The following SCARA5 variants were observed in gnomAD, a reference collection of about 807,000 sequenced individuals.
SCARA5 encodes scavenger receptor class A, member 5 (putative).
In SCARA5, 45 loss-of-function variants were observed where a neutral mutation model predicts 46.3. That is an observed-to-expected ratio of 0.97 (90% CI 0.76 to 1.24). The LOEUF is 1.24. Ranked by LOEUF, SCARA5 falls within the 50% of genes most tolerant of loss-of-function variation. SCARA5 has a pLI of 0.00. For missense variants in SCARA5, 680 were observed against 689.0 expected (o/e 0.99, Z 0.15); for synonymous variants, 333 against 306.5 (o/e 1.09, Z -0.90).
chr8:27,961,694 A>G (rs1808296975), intron 3 of SCARA5, among the ~76,000 whole-genome samples: 2 of 152,150 alleles, frequency 1.3e-5, no homozygotes, highest in Admixed American at 1.3e-4. Context: ...ACCAGCGTGA[A>G]GTCTACACGG....
At chr8:27,916,493 A>C (rs1807463704) in intron 4 of SCARA5, among the ~76,000 whole-genome samples, 1 of 152,100 alleles carries the variant, frequency 6.6e-6, no homozygotes, top group African/African-American at 2.4e-5. Flanking sequence ...ATATTTGTGT[A>C]TGTATGCAGG....
intron 3 of SCARA5, among the ~76,000 whole-genome samples, chr8:27,947,569 C>T (rs1445492930): frequency 6.6e-6 from 1 of 152,124 alleles, no homozygotes; most frequent in African/African-American, 2.4e-5. Context: ...AATTCTGACC[C>T]CTGCTTCAAC....
At chr8:27,931,947 C>T (rs1807780623) in intron 3 of SCARA5, among the ~76,000 whole-genome samples, 1 of 151,170 alleles carries the variant, frequency 6.6e-6, no homozygotes, top group Non-Finnish European at 1.5e-5. Context: ...AGCCACCGCA[C>T]CCGGCCAAAG....
At chr8:27,878,515 C>T (rs1431972282) in intron 8 of SCARA5, among the ~76,000 whole-genome samples, 1 of 152,190 alleles carries the variant, frequency 6.6e-6, no homozygotes, top group Admixed American at 6.5e-5. Context: ...CTCAGAGTCT[C>T]TTGTGCTATC....
At chr8:27,945,875 G>C (rs984609943) in intron 3 of SCARA5, among the ~76,000 whole-genome samples, 1 of 152,182 alleles carries the variant, frequency 6.6e-6, no homozygotes, top group African/African-American at 2.4e-5. Context: ...TTTAAAAAAG[G>C]AAATCTCTAA....
chr8:27,943,402 G>A (rs1397856857), intron 3 of SCARA5, among the ~76,000 whole-genome samples: 2 of 152,192 alleles, frequency 1.3e-5, no homozygotes, highest in Non-Finnish European at 2.9e-5. Context: ...CTGCACTCCA[G>A]CCTGGGTGAC....
chr8:27,953,049 C>T (rs1808153289), intron 3 of SCARA5, among the ~76,000 whole-genome samples: 1 of 152,194 alleles, frequency 6.6e-6, no homozygotes, highest in Non-Finnish European at 1.5e-5. Flanking sequence ...AGAGGCCTGC[C>T]CTGCATCCTT....
At chr8:27,912,792 T>A (rs1272944925) in intron 4 of SCARA5, among the ~76,000 whole-genome samples, 1 of 151,990 alleles carries the variant, frequency 6.6e-6, no homozygotes, top group Non-Finnish European at 1.5e-5. Context: ...TTCCCAGGAG[T>A]CACTCTCGCC....
intron 3 of SCARA5, among the ~76,000 whole-genome samples, chr8:27,959,973 G>A (rs551515742): frequency 1.2e-4 from 19 of 152,132 alleles, no homozygotes; most frequent in Non-Finnish European, 2.2e-4. Flanking sequence ...GTACCTCAAG[G>A]ACCTCTCCAA....
At chr8:27,911,344 T>A (rs775756701) in intron 4 of SCARA5, among the ~76,000 whole-genome samples, 29 of 152,190 alleles carry the variant, frequency 1.9e-4, no homozygotes, top group South Asian at 6.2e-4. Context: ...TCCCTATACC[T>A]GCTGTGAAGA....
chr8:27,881,349 A>T (rs1430871112), intron 7 of SCARA5, among the ~76,000 whole-genome samples: 1 of 152,242 alleles, frequency 6.6e-6, no homozygotes, highest in East Asian at 1.9e-4. Flanking sequence ...ATACATATAC[A>T]CCATGGAATA....
chr8:27,879,269 G>GGA (rs1168071416), intron 8 of SCARA5, among the ~76,000 whole-genome samples: 1 of 152,118 alleles, frequency 6.6e-6, no homozygotes, highest in African/African-American at 2.4e-5. Flanking sequence ...AGCTAGCCAG[G>GGA]GAGAGAGAGA....
rs114464518 is a variant in SCARA5, at chr8:27,904,151, G to A, written c.1153+627C>T. On this transcript the variant is annotated intron_variant, in intron 7 of 8. Transcript: ENST00000354914. ...CCCATTACTAACAGGGTGGTCTGCCGGATCGCAAGCTCTCCAGCGTCACTC... is the reference window on the plus strand; with the variant it reads ...CCCATTACTAACAGGGTGGTCTGCCAGATCGCAAGCTCTCCAGCGTCACTC... 6.1e-3 allele frequency among the ~76,000 whole-genome samples: 932 copies of A among 152,226 alleles called. 11 individuals carry two copies. Among genetic ancestry groups the A allele is most frequent in the African/African-American group, 0.021 (859 of 41,524 alleles).
intron 8 of SCARA5, 137 bp from the exon 9 acceptor site, chr8:27,872,207 G>A (rs991150934): frequency 6.6e-6 from 5 of 754,680 alleles, no homozygotes; most frequent in East Asian, 5.3e-5. Context: ...CCCTCTCCAC[G>A]CCCCCCGAAG....
chr8:27,925,315 C>T (rs562669694), intron 3 of SCARA5, among the ~76,000 whole-genome samples: 8 of 152,138 alleles, frequency 5.3e-5, no homozygotes, highest in East Asian at 1.9e-4. Context: ...ACAGAGCAGA[C>T]GCCTCAGAAA....
intron 7 of SCARA5, among the ~76,000 whole-genome samples, chr8:27,895,833 C>T (rs1171326680): frequency 3.3e-5 from 5 of 152,220 alleles, no homozygotes; most frequent in Non-Finnish European, 4.4e-5. Context: ...TCTTTGTCTC[C>T]CCAGCCGTGC....
chr8:27,896,856 G>C (rs1807071970), intron 7 of SCARA5, among the ~76,000 whole-genome samples: 1 of 152,172 alleles, frequency 6.6e-6, no homozygotes, highest in South Asian at 2.1e-4. Flanking sequence ...CACTTTGGGA[G>C]GCTGAGGCGG....
intron 4 of SCARA5, among the ~76,000 whole-genome samples, chr8:27,911,362 T>C (rs1807371880): frequency 6.6e-6 from 1 of 152,160 alleles, no homozygotes; most frequent in African/African-American, 2.4e-5. Context: ...AGACTCAGAC[T>C]CCAAGCTCTC....
At chr8:27,951,670 C>T (rs1315765500) in intron 3 of SCARA5, among the ~76,000 whole-genome samples, 3 of 152,226 alleles carry the variant, frequency 2.0e-5, no homozygotes, top group South Asian at 2.1e-4. Context: ...GTGTGCTCCA[C>T]GCCAGGGAAT....
Sources: allele counts gnomAD v4.1 joint callset (sites outside exome capture counted in the v4.1 genomes callset), GRCh38; gene constraint gnomAD v4.1.1; transcripts MANE v1.5; gene names NCBI Gene and HGNC (gene_info 2026-07-23, HGNC 2026-07-21).